LGSN: variants seen among roughly 807,000 people sequenced by gnomAD.
The protein encoded by LGSN is lengsin, lens protein with glutamine synthetase domain.
In LGSN, 21 loss-of-function variants were observed where a neutral mutation model predicts 19.5. That is an observed-to-expected ratio of 1.07 (90% CI 0.76 to 1.55). The LOEUF is 1.55. Ranked by LOEUF, LGSN falls within the 40% of genes most tolerant of loss-of-function variation. The pLI, the probability that LGSN is intolerant of heterozygous loss-of-function variation, is 0.00. For missense variants in LGSN, 673 were observed against 608.5 expected (o/e 1.11, Z -1.12); for synonymous variants, 257 against 215.6 (o/e 1.19, Z -1.68).
intron 1 of LGSN, among the ~76,000 whole-genome samples, chr6:63,298,095 A>T (rs1388542054): frequency 6.6e-6 from 1 of 152,094 alleles, no homozygotes; most frequent in Non-Finnish European, 1.5e-5. Context: ...TTAAAATTTA[A>T]TTTTTCTACA....
At chr6:63,454,974 G>C in the LGSN span, among the ~76,000 whole-genome samples, 1 of 150,668 alleles carries the variant, frequency 6.6e-6, no homozygotes, top group African/African-American at 2.4e-5. Flanking sequence ...TGTATTTTTG[G>C]TAGAGACAGG....
the LGSN span, among the ~76,000 whole-genome samples, chr6:63,397,981 T>C: frequency 2.0e-5 from 3 of 151,700 alleles, no homozygotes; most frequent in African/African-American, 7.3e-5. Flanking sequence ...GCTGAAAAAA[T>C]TTTATTGCCT....
At chr6:63,496,898 T>G in the LGSN span, among the ~76,000 whole-genome samples, 3 of 152,130 alleles carry the variant, frequency 2.0e-5, no homozygotes, top group Admixed American at 2.0e-4. Flanking sequence ...TGCCCTTGCC[T>G]GTATAGGATC....
At chr6:63,301,705 A>T (rs1227441822) in intron 1 of LGSN, among the ~76,000 whole-genome samples, 4 of 152,218 alleles carry the variant, frequency 2.6e-5, no homozygotes, top group Non-Finnish European at 5.9e-5. Flanking sequence ...AATTTATTGT[A>T]GTATTAATAA....
chr6:63,561,897 A>G, the LGSN span, among the ~76,000 whole-genome samples: 17 of 152,318 alleles, frequency 1.1e-4, no homozygotes, highest in Admixed American at 1.1e-3. Flanking sequence ...TGGTGCTTCT[A>G]TCTCTGCTGC....
chr6:63,413,671 A>G, the LGSN span, among the ~76,000 whole-genome samples: 1 of 152,330 alleles, frequency 6.6e-6, no homozygotes, highest in South Asian at 2.1e-4. Flanking sequence ...TATGTATTGC[A>G]CAAAGGTTGT....
the LGSN span, among the ~76,000 whole-genome samples, chr6:63,532,657 A>G: frequency 1.3e-5 from 2 of 152,224 alleles, no homozygotes; most frequent in African/African-American, 4.8e-5. Context: ...AAGAGCAAGT[A>G]TGATGGAGGG....
intron 1 of LGSN, among the ~76,000 whole-genome samples, chr6:63,309,110 A>T (rs560605021): frequency 3.3e-5 from 5 of 152,300 alleles, no homozygotes; most frequent in Non-Finnish European, 7.3e-5. Flanking sequence ...ACACGTGGCA[A>T]TTCTTTTCAA....
chr6:63,337,572 C>A, the LGSN span, among the ~76,000 whole-genome samples: 19 of 151,986 alleles, frequency 1.3e-4, no homozygotes, highest in Admixed American at 9.8e-4. Flanking sequence ...GAGGCCAAGG[C>A]AGGTAGATCA....
At chr6:63,369,530 G>A in the LGSN span, among the ~76,000 whole-genome samples, 1 of 152,168 alleles carries the variant, frequency 6.6e-6, no homozygotes, top group African/African-American at 2.4e-5. Flanking sequence ...TCACCCTAGA[G>A]GTTCTGCTTT....
At chr6:63,466,882 G>T in the LGSN span, among the ~76,000 whole-genome samples, 2 of 152,126 alleles carry the variant, frequency 1.3e-5, no homozygotes, top group African/African-American at 4.8e-5. Flanking sequence ...TTGGATATTG[G>T]TATGAGGAGT....
the LGSN span, among the ~76,000 whole-genome samples, chr6:63,445,318 T>A: frequency 6.6e-6 from 1 of 150,458 alleles, no homozygotes; most frequent in African/African-American, 2.5e-5. Context: ...CTCAAAAAAA[T>A]AAAAATAATC....
chr6:63,548,533 G>T, the LGSN span, among the ~76,000 whole-genome samples: 3 of 152,180 alleles, frequency 2.0e-5, no homozygotes, highest in Non-Finnish European at 4.4e-5. Context: ...CTGTGACCAT[G>T]TCCTGTTTTT....
At chr6:63,326,966 C>T in the LGSN span, among the ~76,000 whole-genome samples, 14 of 152,224 alleles carry the variant, frequency 9.2e-5, no homozygotes, top group East Asian at 3.9e-4. Context: ...GCAGAGGAGG[C>T]GCCGAGAGCG....
the LGSN span, among the ~76,000 whole-genome samples, chr6:63,468,705 G>A: frequency 2.5e-4 from 38 of 152,302 alleles, no homozygotes; most frequent in East Asian, 6.2e-3. Context: ...TAGGATTACA[G>A]GCATGAGTCA....
intron 1 of LGSN, among the ~76,000 whole-genome samples, chr6:63,310,891 T>G (rs1047472383): frequency 1.3e-5 from 2 of 152,204 alleles, no homozygotes; most frequent in Non-Finnish European, 2.9e-5. Flanking sequence ...AACTCTCTAG[T>G]GAAGGTTTCC....
intron 1 of LGSN, among the ~76,000 whole-genome samples, chr6:63,308,521 C>G (rs763164291): frequency 6.6e-6 from 1 of 151,314 alleles, no homozygotes; most frequent in African/African-American, 2.4e-5. Context: ...AATTTCTTTC[C>G]AATATAATAA....
At chr6:63,406,851 C>T in the LGSN span, among the ~76,000 whole-genome samples, 2 of 152,028 alleles carry the variant, frequency 1.3e-5, no homozygotes, top group Non-Finnish European at 2.9e-5. Context: ...GGGATTATCA[C>T]CACCGATCTC....
chr6:63,416,811 G>T, the LGSN span, among the ~76,000 whole-genome samples: 1 of 151,750 alleles, frequency 6.6e-6, no homozygotes, highest in African/African-American at 2.4e-5. Context: ...CAAGTGATCT[G>T]CCCACCTCGG....
Sources: allele counts gnomAD v4.1 joint callset (sites outside exome capture counted in the v4.1 genomes callset), GRCh38; gene constraint gnomAD v4.1.1; transcripts MANE v1.5; gene names NCBI Gene and HGNC (gene_info 2026-07-23, HGNC 2026-07-21).